The following PRKG1 variants were observed in gnomAD, a reference collection of about 807,000 sequenced individuals.
The protein encoded by PRKG1 is protein kinase cGMP-dependent 1.
PRKG1 carries 35 observed loss-of-function variants against 88.1 expected under a neutral mutation model. That is an observed-to-expected ratio of 0.40 (90% CI 0.30 to 0.53). The LOEUF is 0.53. PRKG1 is among the 20% of genes least tolerant of loss of function. PRKG1 has a pLI of 0.59. For synonymous variants in PRKG1, 303 were observed against 292.5 expected (o/e 1.04, Z -0.37); for missense variants, 540 against 839.8 (o/e 0.64, Z 4.41).
At chr10:51,373,310 C>T (rs1842741234) in intron 2 of PRKG1, among the ~76,000 whole-genome samples, 1 of 152,130 alleles carries the variant, frequency 6.6e-6, no homozygotes, top group African/African-American at 2.4e-5. Flanking sequence ...GAATCTGAGC[C>T]CTCTGCTTCT....
chr10:51,481,111 G>A (rs68066560), intron 3 of PRKG1, among the ~76,000 whole-genome samples: 63,861 of 151,224 alleles, frequency 0.42, 15,271 homozygotes, highest in East Asian at 0.9. Flanking sequence ...GAATATTACC[G>A]AGAAAAAGAA....
intron 1 of PRKG1, among the ~76,000 whole-genome samples, chr10:51,017,436 A>G (rs1843081643): frequency 6.6e-6 from 1 of 152,228 alleles, no homozygotes; most frequent in Non-Finnish European, 1.5e-5. Context: ...TGAATGAGAA[A>G]GTTAAATAAT....
At chr10:51,185,032 A>C (rs1837449614) in intron 2 of PRKG1, among the ~76,000 whole-genome samples, 1 of 152,190 alleles carries the variant, frequency 6.6e-6, no homozygotes, top group Non-Finnish European at 1.5e-5. Flanking sequence ...TCTAAAATTC[A>C]TTTTGATAAT....
At chr10:51,773,126 CTAT>C (rs1489486419) in intron 3 of PRKG1, among the ~76,000 whole-genome samples, 2 of 152,044 alleles carry the variant, frequency 1.3e-5, no homozygotes, top group Non-Finnish European at 2.9e-5. Context: ...TAGAAATAAA[CTAT>C]TGCTCAGTTT....
chr10:51,951,724 C>T (rs988083843), intron 5 of PRKG1, among the ~76,000 whole-genome samples: 1 of 151,962 alleles, frequency 6.6e-6, no homozygotes, highest in Non-Finnish European at 1.5e-5. Context: ...CTGGAAATGT[C>T]AGTAGGCATA....
intron 3 of PRKG1, among the ~76,000 whole-genome samples, chr10:51,683,772 T>C (rs1193691975): frequency 6.6e-6 from 1 of 152,106 alleles, no homozygotes; most frequent in Non-Finnish European, 1.5e-5. Context: ...CCCACCACCC[T>C]CCAGCCTGTG....
chr10:51,315,675 G>C lies in PRKG1; in HGVS notation c.479-152048G>C, dbSNP rs115272635. On this transcript the variant is annotated intron_variant, in intron 2 of 17. Coordinates refer to ENST00000373980, the MANE Select transcript of PRKG1 (RefSeq NM_006258.4). ...GACCACATAGCCAATAAATGGAAAA[G>C]ATAATTCAGTTGTGGGCCAATTTCA... Among the ~76,000 whole-genome samples, 781 of 152,302 alleles carry C rather than the reference G, an allele frequency of 5.1e-3. 5 individuals are homozygous for C. The highest frequency in any genetic ancestry group is 0.018 in the African/African-American group (737 of 41,572).
chr10:51,354,428 C>A (rs542418825), intron 2 of PRKG1, among the ~76,000 whole-genome samples: 13 of 152,152 alleles, frequency 8.5e-5, no homozygotes, highest in Admixed American at 4.6e-4. Context: ...ACCTTATAAA[C>A]ATATACAGCT....
chr10:51,690,926 CAAA>C (rs942329676), intron 3 of PRKG1, among the ~76,000 whole-genome samples: 147 of 37,714 alleles, frequency 3.9e-3, no homozygotes, highest in African/African-American at 0.011. Flanking sequence ...GACTCTGTCT[CAAA>C]AAAAAAAAAA....
At chr10:51,552,232 G>A (rs1589071718) in intron 3 of PRKG1, among the ~76,000 whole-genome samples, 1 of 151,562 alleles carries the variant, frequency 6.6e-6, no homozygotes, top group South Asian at 2.1e-4. Flanking sequence ...GCACCACAAT[G>A]TTTTCTTAAA....
chr10:52,004,339 T>C (rs549175506), intron 5 of PRKG1, among the ~76,000 whole-genome samples: 1 of 152,292 alleles, frequency 6.6e-6, no homozygotes, highest in Admixed American at 6.5e-5. Context: ...TTGAAAACAA[T>C]AATAATGTCA....
In PRKG1 at chr10:51,651,545, A is replaced by G. The variant is rs531537002; in HGVS notation, c.593-153040A>G. On this transcript the variant is annotated intron_variant, in intron 3 of 17. Transcript: ENST00000373980. ...CCCCTTAGCATTCTATTTCCCTCAT[A>G]TTTGGCACATGATTGGCACAAAAAT... 7.0e-4 allele frequency among the ~76,000 whole-genome samples: 102 copies of G among 145,404 alleles called. 2 individuals are homozygous for G. In the South Asian group the frequency reaches 0.021, roughly 31 times the overall value.
At chr10:52,205,068 G>T (rs946371232) in intron 9 of PRKG1, among the ~76,000 whole-genome samples, 1 of 152,050 alleles carries the variant, frequency 6.6e-6, no homozygotes, top group African/African-American at 2.4e-5. Flanking sequence ...GATGAAACAC[G>T]CCCTAATCTC....
intron 2 of PRKG1, among the ~76,000 whole-genome samples, chr10:51,238,099 G>A (rs116129746): frequency 0.012 from 1,796 of 152,226 alleles, 30 homozygotes; most frequent in African/African-American, 0.039. Context: ...TGGAAAATAA[G>A]AATTGTTATA....
intron 4 of PRKG1, among the ~76,000 whole-genome samples, chr10:51,892,594 A>T (rs1190670944): frequency 6.6e-6 from 1 of 152,202 alleles, no homozygotes; most frequent in Non-Finnish European, 1.5e-5. Context: ...AACAAATAGC[A>T]AACTCACTTG....
chr10:52,274,933 G>C (rs1056802835), intron 12 of PRKG1, among the ~76,000 whole-genome samples: 12 of 152,114 alleles, frequency 7.9e-5, no homozygotes, highest in Non-Finnish European at 1.6e-4. Flanking sequence ...CTGACCATTA[G>C]TGAAGTTGAG....
chr10:51,524,813 G>A (rs1238104769), intron 3 of PRKG1, among the ~76,000 whole-genome samples: 4 of 152,206 alleles, frequency 2.6e-5, no homozygotes, highest in African/African-American at 9.6e-5. Context: ...TCTCTTAACA[G>A]ATTCCTACTT....
chr10:52,100,085 C>A (rs764522608), intron 7 of PRKG1, among the ~76,000 whole-genome samples: 3 of 152,064 alleles, frequency 2.0e-5, no homozygotes, highest in Non-Finnish European at 4.4e-5. Context: ...TGAATCTTGT[C>A]CCAGGATTAT....
intron 2 of PRKG1, among the ~76,000 whole-genome samples, chr10:51,262,911 C>A (rs1439402872): frequency 6.6e-6 from 1 of 151,848 alleles, no homozygotes; most frequent in Non-Finnish European, 1.5e-5. Flanking sequence ...ATGGAGATTA[C>A]AATTTGACAT....
Sources: gnomAD v4.1 joint callset for allele counts (sites outside exome capture counted in the v4.1 genomes callset) on GRCh38, gnomAD v4.1.1 for gene constraint, MANE v1.5 for transcripts, NCBI Gene and HGNC (gene_info 2026-07-23, HGNC 2026-07-21) for gene names.